The following KRABD3 variants were observed in gnomAD, a reference collection of about 807,000 sequenced individuals.
KRABD3 encodes KRAB domain containing 3, also known as KRAB domain-containing protein 3.
At chr7:149,715,279 G>A in the KRABD3 span, 1 of 1,221,136 alleles carries the variant, frequency 8.2e-7, no homozygotes, top group Admixed American at 4.3e-5. Flanking sequence ...TCCACCTGGG[G>A]AAACCCCCTT....
the KRABD3 span, chr7:149,722,457 G>A: frequency 2.6e-5 from 42 of 1,608,144 alleles, no homozygotes; most frequent in Non-Finnish European, 5.1e-6. Flanking sequence ...AAGGAAGGAA[G>A]GCCCAGGAGC....
At chr7:149,719,388 C>T in the KRABD3 span, 3 of 702,108 alleles carry the variant, frequency 4.3e-6, no homozygotes, top group Non-Finnish European at 6.7e-6. This position sits in a 1 kb window ranked among gnomAD's most constrained non-coding sequence, Gnocchi z 5.6. Context: ...ACAGCTCACC[C>T]CCAGCACTGT....
the KRABD3 span, chr7:149,723,438 C>G: frequency 2.2e-5 from 9 of 400,460 alleles, no homozygotes; most frequent in South Asian, 4.0e-4. Context: ...AATGTAAGTT[C>G]TGTTCAGGAC....
chr7:149,733,157 A>G, the KRABD3 span: 1 of 1,537,238 alleles, frequency 6.5e-7, no homozygotes, highest in Non-Finnish European at 8.8e-7. Flanking sequence ...TGGGGAGAGA[A>G]AGGTCCTTAC....
the KRABD3 span, chr7:149,728,430 C>G: frequency 2.3e-4 from 331 of 1,424,428 alleles, no homozygotes; most frequent in Non-Finnish European, 2.5e-4. Flanking sequence ...CTGTGACCCC[C>G]CTTCCCTGGA....
chr7:149,723,657 C>G, the KRABD3 span: 1 of 1,474,236 alleles, frequency 6.8e-7, no homozygotes, highest in East Asian at 2.3e-5. Context: ...GCCCTTCTAA[C>G]TTGTCCCCTG....
At chr7:149,733,284 C>G in the KRABD3 span, 6 of 1,612,560 alleles carry the variant, frequency 3.7e-6, no homozygotes, top group Non-Finnish European at 4.2e-6. Flanking sequence ...CTGCCCCCTC[C>G]GGAAGCTGCG....
chr7:149,721,314 G>C, the KRABD3 span: 1 of 1,515,972 alleles, frequency 6.6e-7, no homozygotes. Flanking sequence ...AAAGGACCCA[G>C]AATGTGACAG....
chr7:149,718,513 C>CTTTTTTTT, the KRABD3 span, among the ~76,000 whole-genome samples: 43 of 81,966 alleles, frequency 5.2e-4, no homozygotes, highest in Non-Finnish European at 7.9e-4. Context: ...CACTGAAGGA[C>CTTTTTTTT]TTTTTTTTTT....
the KRABD3 span, among the ~76,000 whole-genome samples, chr7:149,732,453 A>G: frequency 6.6e-6 from 1 of 152,192 alleles, no homozygotes; most frequent in African/African-American, 2.4e-5. The surrounding 1 kb of genome is among the most constrained non-coding windows in gnomAD (Gnocchi z 4.0). Context: ...GGGCAGAGCC[A>G]CAGCTGGGGG....
At chr7:149,722,306 C>G in the KRABD3 span, 3 of 1,452,582 alleles carry the variant, frequency 2.1e-6, no homozygotes, top group East Asian at 2.5e-5. Context: ...CAGCCCACCT[C>G]GAACAGGGAC....
At chr7:149,717,921 C>T in the KRABD3 span, among the ~76,000 whole-genome samples, 1 of 152,186 alleles carries the variant, frequency 6.6e-6, no homozygotes, top group Non-Finnish European at 1.5e-5. Flanking sequence ...GCCTCAGCCT[C>T]CCAAGTAGCT....
the KRABD3 span, among the ~76,000 whole-genome samples, chr7:149,724,055 G>C: frequency 6.6e-6 from 1 of 152,216 alleles, no homozygotes; most frequent in Non-Finnish European, 1.5e-5. Context: ...GGAGCGAGCT[G>C]TGTGGGAGGG....
chr7:149,725,750 A>T, the KRABD3 span: 1 of 825,104 alleles, frequency 1.2e-6, no homozygotes, highest in African/African-American at 1.7e-5. Context: ...GTGCTATGGG[A>T]GTTGAATCAG....
chr7:149,733,725 C>T, the KRABD3 span: 3 of 1,581,516 alleles, frequency 1.9e-6, no homozygotes, highest in Non-Finnish European at 2.6e-6. Context: ...GCAGAACCTC[C>T]TGGGCTCCAC....
At chr7:149,723,079 GTGTCACCTTTC>G in the KRABD3 span, 1 of 823,824 alleles carries the variant, frequency 1.2e-6, no homozygotes, top group Non-Finnish European at 1.8e-6. Flanking sequence ...TGTGTTGCCA[GTGTCACCTTTC>G]TGGAGCCAGG....
chr7:149,720,902 C>T, the KRABD3 span: 1 of 1,612,622 alleles, frequency 6.2e-7, no homozygotes, highest in African/African-American at 1.3e-5. Context: ...TCCCAGAGTT[C>T]TTGTTTGGAG....
At chr7:149,716,187 C>A in the KRABD3 span, among the ~76,000 whole-genome samples, 1 of 152,128 alleles carries the variant, frequency 6.6e-6, no homozygotes, top group Non-Finnish European at 1.5e-5. Context: ...ACTGGGAGAG[C>A]AGGTCTAGGT....
chr7:149,721,524 C>T, the KRABD3 span: 569 of 1,611,588 alleles, frequency 3.5e-4, 7 homozygotes, highest in African/African-American at 6.6e-3. Context: ...CAGGGAAGTC[C>T]TCTCCCCATC....
Sources: allele counts gnomAD v4.1 joint callset (sites outside exome capture counted in the v4.1 genomes callset), GRCh38; gene constraint gnomAD v4.1.1; non-coding constraint Gnocchi (gnomAD v3.1); transcripts MANE v1.5; gene names NCBI Gene and HGNC (gene_info 2026-07-23, HGNC 2026-07-21).